The following NEXN variants were observed in gnomAD, a reference collection of about 807,000 sequenced individuals.
NEXN encodes the protein nexilin F-actin binding protein, also known as nexilin.
Under a neutral mutation model 92.6 loss-of-function variants are expected in NEXN, and 65 were observed. The ratio of observed to expected loss-of-function variants is 0.70; its 90% confidence interval spans 0.57 to 0.86. NEXN has a LOEUF of 0.86. NEXN is among the 40% of genes least tolerant of loss of function. The pLI, the probability that NEXN is intolerant of heterozygous loss-of-function variation, is 0.00. For missense variants in NEXN, 778 were observed against 771.1 expected, an observed-to-expected ratio of 1.01 and a Z score of -0.11; for synonymous variants, 254 against 242.5, an observed-to-expected ratio of 1.05 and a Z score of -0.44.
chr1:77,920,341 G>T (rs2102102004), intron 5 of NEXN, among the ~76,000 whole-genome samples: 1 of 152,252 alleles, frequency 6.6e-6, no homozygotes, highest in East Asian at 1.9e-4. Context: ...TTTAATGTTT[G>T]CTTGTAAAAT....
In NEXN at chr1:77,929,537, G is replaced by A. The variant is rs368908324; in HGVS notation, c.1053+33G>A. 4 of 1,610,436 alleles carry A rather than the reference G, an allele frequency of 2.5e-6. No homozygotes were observed. The African/African-American group carries it at 5.3e-5, about 22-fold the overall frequency. On this transcript the variant is annotated intron_variant, in intron 9 of 12. Transcript: ENST00000334785. The stretch of plus-strand genomic sequence containing the variant: ...AGAAGCTAACTGGAGAATGCTATTA[G>A]AATTCACCTTTGAGAATATGTTAAT...
chr1:77,900,147 C>T (rs1384720211), intron 1 of NEXN, among the ~76,000 whole-genome samples: 1 of 152,182 alleles, frequency 6.6e-6, no homozygotes, highest in African/African-American at 2.4e-5. Flanking sequence ...CATAGACTGA[C>T]TGGACAATTT....
intron 1 of NEXN, among the ~76,000 whole-genome samples, chr1:77,889,844 G>C (rs943324839): frequency 2.0e-5 from 3 of 152,186 alleles, no homozygotes; most frequent in African/African-American, 7.2e-5. Context: ...CGGCCCATTG[G>C]CCTTCGAGTC....
At position 77,896,712 on chromosome 1, in the gene NEXN, T is replaced by C. The variant is rs547058255; in HGVS notation, c.-53+7953T>C. 4.5e-3 allele frequency among the ~76,000 whole-genome samples: 688 copies of C among 151,638 alleles called. 7 individuals carry two copies. Among genetic ancestry groups the C allele is most frequent in the African/African-American group, 0.016 (663 of 41,302 alleles). ...AGGCAGAGGTTGCAGTGAGCTGAGA[T>C]TGCACCACTGCACTCCAGCCTGGGT... On this transcript the variant is annotated intron_variant, in intron 1 of 12. Transcript: ENST00000334785.
intron 1 of NEXN, among the ~76,000 whole-genome samples, chr1:77,901,503 C>A (rs139877668): frequency 7.3e-4 from 111 of 152,264 alleles, no homozygotes; most frequent in African/African-American, 2.5e-3. Flanking sequence ...CTTAGAACCA[C>A]ATGTTCAACC....
chr1:77,937,845 A>T (rs1650902785), intron 11 of NEXN, among the ~76,000 whole-genome samples: 1 of 152,202 alleles, frequency 6.6e-6, no homozygotes. Context: ...AGGGATAGAA[A>T]ACAATTATCA....
chr1:77,939,232 A>G (rs1000179159), intron 11 of NEXN, among the ~76,000 whole-genome samples: 1 of 152,150 alleles, frequency 6.6e-6, no homozygotes, highest in Non-Finnish European at 1.5e-5. Context: ...TGCTATAGAG[A>G]AATCAGGTCT....
chr1:77,898,750 G>A (rs1051463362), intron 1 of NEXN, among the ~76,000 whole-genome samples: 9 of 152,018 alleles, frequency 5.9e-5, no homozygotes, highest in Admixed American at 1.3e-4. Context: ...GAAAATTTTC[G>A]CAACCTACTC....
rs374691663 is a variant in NEXN at position 77,926,876 on chromosome 1, A to T, written c.848A>T (p.Glu283Val). Residue 283 changes from glutamate to valine, a missense_variant, in exon 8 of 13, where the codon GAA becomes GTA. Glu to Val is a moderately radical substitution (Grantham distance 121, BLOSUM62 -2). Transcript: ENST00000334785. Reference sequence around the variant, plus strand: ...GAAGAAGAGAAGCGTGCTTTTGAAGAAGCAAGGCGGCAAATGGTAAATCTA... The same window carrying T: ...GAAGAAGAGAAGCGTGCTTTTGAAGTAGCAAGGCGGCAAATGGTAAATCTA... ...RLEEEKRAFEEARRQMVNEDE... is the reference protein window; with the variant it reads ...RLEEEKRAFEVARRQMVNEDE... The T allele has an allele frequency of 6.2e-6, 10 of 1,613,926 alleles. No homozygotes were observed. The highest frequency in any genetic ancestry group is 1.7e-5 in the Admixed American group (1 of 60,020).
intron 5 of NEXN, 21 bp from the exon 6 acceptor site, chr1:77,925,167 T>C (rs769925270): frequency 2.6e-6 from 4 of 1,528,684 alleles, no homozygotes; most frequent in African/African-American, 1.4e-5. Flanking sequence ...AATGTAATGA[T>C]ATGAAATTCT....
intron 10 of NEXN, among the ~76,000 whole-genome samples, chr1:77,934,313 TTTG>T (rs1296905210): frequency 6.6e-6 from 1 of 152,012 alleles, no homozygotes; most frequent in Non-Finnish European, 1.5e-5. Flanking sequence ...ACCCGGCCTT[TTTG>T]TTTTCTTTTC....
At chr1:77,892,986 C>T (rs1361361267) in intron 1 of NEXN, among the ~76,000 whole-genome samples, 5 of 151,936 alleles carry the variant, frequency 3.3e-5, no homozygotes, top group Admixed American at 3.3e-4. Flanking sequence ...CCTACCTCAG[C>T]CTCCTGAGTA....
intron 6 of NEXN, among the ~76,000 whole-genome samples, chr1:77,925,442 T>G (rs1055640421): frequency 2.0e-5 from 3 of 152,204 alleles, no homozygotes; most frequent in African/African-American, 7.2e-5. Context: ...TTTGCTTTCA[T>G]AGTCAGGTTA....
rs777703689 is a variant in NEXN, at chr1:77,942,795, G to T, written c.1994G>T (p.Ser665Ile). 8.1e-6 allele frequency: 13 copies of T among 1,611,440 alleles called. No individual in the cohort carries two copies. Among genetic ancestry groups the T allele is most frequent in the Non-Finnish European group, 8.5e-7 (1 of 1,178,156 alleles). ...KAVNNKGSAA[S>I]TCILTIESKN is the part of the protein sequence containing the mutation. ...GTCAACAATAAAGGATCTGCAGCTA[G>T]TACCTGTATTCTTACCATTGAAAGT... The change falls in exon 13 of 13, where the codon AGT becomes ATT. Residue 665 changes from serine (S) to isoleucine (I), a missense_variant. By Grantham distance (142) the Ser-to-Ile change is moderately radical. Around this residue, in one of 3 missense-constraint regions of NEXN, gnomAD observed 532 missense variants for 476.7 expected, o/e 1.12. Coordinates refer to ENST00000334785, the MANE Select transcript of NEXN (RefSeq NM_144573.4).
intron 8 of NEXN, among the ~76,000 whole-genome samples, chr1:77,927,194 G>C (rs1375180364): frequency 6.6e-6 from 1 of 151,836 alleles, no homozygotes; most frequent in Non-Finnish European, 1.5e-5. Flanking sequence ...AGAATCACTT[G>C]AACTTAGGCG....
chr1:77,896,396 A>C (rs1647257896), intron 1 of NEXN, among the ~76,000 whole-genome samples: 1 of 151,996 alleles, frequency 6.6e-6, no homozygotes, highest in Non-Finnish European at 1.5e-5. Context: ...CATTCTTGAC[A>C]ATATTCCTCT....
intron 11 of NEXN, among the ~76,000 whole-genome samples, chr1:77,936,482 G>C (rs1475731613): frequency 6.6e-6 from 1 of 152,118 alleles, no homozygotes; most frequent in Non-Finnish European, 1.5e-5. Flanking sequence ...TGAGTCAGTA[G>C]AACCAGTGTA....
intron 11 of NEXN, among the ~76,000 whole-genome samples, chr1:77,941,418 G>A (rs1001182267): frequency 1.3e-4 from 20 of 151,866 alleles, no homozygotes; most frequent in African/African-American, 4.1e-4. Flanking sequence ...TTAGCATTTC[G>A]CCCTTCCAAT....
At chr1:77,923,915 A>G (rs1649642190) in intron 5 of NEXN, among the ~76,000 whole-genome samples, 1 of 151,326 alleles carries the variant, frequency 6.6e-6, no homozygotes, top group South Asian at 2.1e-4. Flanking sequence ...TGACCTCGTG[A>G]TCCGCCCGCC....
Sources: allele counts gnomAD v4.1 joint callset (sites outside exome capture counted in the v4.1 genomes callset), GRCh38; gene constraint gnomAD v4.1.1; regional missense constraint gnomAD v4.1.1; transcripts MANE v1.5; gene names NCBI Gene and HGNC (gene_info 2026-07-23, HGNC 2026-07-21).